CSMD1: variants seen among roughly 807,000 people sequenced by gnomAD.
The protein encoded by CSMD1 is CUB and Sushi multiple domains 1.
In CSMD1, 213 loss-of-function variants were observed where a neutral mutation model predicts 417.5. That is an observed-to-expected ratio of 0.51 (90% CI 0.46 to 0.57). The LOEUF is 0.57. Ranked by LOEUF, CSMD1 falls within the 20% of genes least tolerant of loss-of-function variation. The pLI, the probability that CSMD1 is intolerant of heterozygous loss-of-function variation, is 0.00. For synonymous variants in CSMD1, 2,862 were observed against 1,736.8 expected (o/e 1.65, Z -16.11); for missense variants, 6,923 against 4,529.7 (o/e 1.53, Z -15.17).
At chr8:3,631,223 C>T (rs1459554390) in intron 7 of CSMD1, among the ~76,000 whole-genome samples, 1 of 152,206 alleles carries the variant, frequency 6.6e-6, no homozygotes, top group African/African-American at 2.4e-5. Flanking sequence ...ATGTGGACAG[C>T]ACGTAACACG....
chr8:3,291,335 C>T (rs776725422), intron 25 of CSMD1, among the ~76,000 whole-genome samples: 1 of 134,568 alleles, frequency 7.4e-6, no homozygotes, highest in Non-Finnish European at 1.6e-5. Flanking sequence ...TGATGCTGGC[C>T]CCATAAAATA....
chr8:3,432,784 G>A (rs891720542), intron 12 of CSMD1, among the ~76,000 whole-genome samples: 1 of 152,064 alleles, frequency 6.6e-6, no homozygotes, highest in Non-Finnish European at 1.5e-5. Flanking sequence ...AAAGTCCTGG[G>A]ATTACAGGCA....
rs568640370 is a variant in CSMD1, at chr8:3,722,243, G to A, written c.932-13752C>T. ...AGAATTGCTTGACCAGGGAGGCAGA[G>A]ATTGCAGTGAGTCGAGATCACACCA... On this transcript the variant is annotated intron_variant, in intron 6 of 69. Transcript: ENST00000635120. 2.1e-4 allele frequency among the ~76,000 whole-genome samples: 32 copies of A among 152,162 alleles called. No individual in the cohort carries two copies. The South Asian group carries it at 6.4e-3, about 31-fold the overall frequency.
intron 5 of CSMD1, among the ~76,000 whole-genome samples, chr8:3,857,660 G>A (rs1467226978): frequency 6.6e-6 from 1 of 152,172 alleles, no homozygotes; most frequent in Non-Finnish European, 1.5e-5. Context: ...GTCCGAATGA[G>A]TGGAATTTTA....
At chr8:4,145,627 G>T (rs370444874) in intron 3 of CSMD1, among the ~76,000 whole-genome samples, 1 of 150,804 alleles carries the variant, frequency 6.6e-6, no homozygotes, top group Non-Finnish European at 1.5e-5. Flanking sequence ...CGGCTCAAGC[G>T]ATCCTGCCCA....
intron 7 of CSMD1, among the ~76,000 whole-genome samples, chr8:3,672,851 C>A (rs531415464): frequency 6.6e-6 from 1 of 152,326 alleles, no homozygotes; most frequent in South Asian, 2.1e-4. Context: ...GGAGACGCAG[C>A]TTCTACTCCT....
chr8:4,136,693 G>C (rs1049567844), intron 3 of CSMD1, among the ~76,000 whole-genome samples: 2 of 152,082 alleles, frequency 1.3e-5, no homozygotes, highest in African/African-American at 2.4e-5. Context: ...TGAGTCTTCA[G>C]AGACTACGTA....
chr8:4,144,503 G>C (rs1305588568), intron 3 of CSMD1, among the ~76,000 whole-genome samples: 1 of 151,090 alleles, frequency 6.6e-6, no homozygotes, highest in African/African-American at 2.5e-5. Flanking sequence ...GAGGGCTCCA[G>C]TCTAAATGCT....
intron 2 of CSMD1, among the ~76,000 whole-genome samples, chr8:4,441,307 C>G (rs750561194): frequency 2.4e-4 from 30 of 124,704 alleles, no homozygotes; most frequent in African/African-American, 8.9e-4. Context: ...AGAGGGAGGT[C>G]TCACTCTGCC....
intron 7 of CSMD1, among the ~76,000 whole-genome samples, chr8:3,621,557 G>A (rs543587580): frequency 6.6e-6 from 1 of 151,994 alleles, no homozygotes; most frequent in Non-Finnish European, 1.5e-5. Context: ...TATATTTAAA[G>A]CCACAGAAAT....
chr8:3,409,297 A>C, intron 13 of CSMD1, 126 bp downstream of exon 13: 1 of 788,202 alleles, frequency 1.3e-6, no homozygotes, highest in Non-Finnish European at 1.8e-6. Context: ...TTTCCAGTAA[A>C]TGTGGCACCC....
At chr8:4,352,355 A>G (rs1048075106) in intron 3 of CSMD1, among the ~76,000 whole-genome samples, 24 of 152,244 alleles carry the variant, frequency 1.6e-4, no homozygotes, top group African/African-American at 5.5e-4. Context: ...GAATGTTCTC[A>G]GATAATTCAC....
At chr8:4,212,751 CTTTTT>C (rs5889027) in intron 3 of CSMD1, among the ~76,000 whole-genome samples, 40 of 99,222 alleles carry the variant, frequency 4.0e-4, no homozygotes, top group African/African-American at 9.8e-4. Context: ...CGGCCTTATT[CTTTTT>C]TTTTTTTTTT....
At chr8:4,434,104 G>C (rs1798018191) in intron 2 of CSMD1, among the ~76,000 whole-genome samples, 1 of 152,180 alleles carries the variant, frequency 6.6e-6, no homozygotes, top group Admixed American at 6.5e-5. Flanking sequence ...TTGGGAGGTT[G>C]AAGTGGGCAG....
intron 1 of CSMD1, among the ~76,000 whole-genome samples, chr8:4,682,919 T>C (rs1489413521): frequency 6.8e-6 from 1 of 147,496 alleles, no homozygotes; most frequent in Non-Finnish European, 1.5e-5. Context: ...TTTAGAGAAA[T>C]GTTTCTCTCA....
At chr8:4,230,088 ACT>A in intron 3 of CSMD1, among the ~76,000 whole-genome samples, 1 of 152,190 alleles carries the variant, frequency 6.6e-6, no homozygotes, top group Non-Finnish European at 1.5e-5. Context: ...AGCTTATTAG[ACT>A]ACAAGCCTTA....
At position 4,530,301 on chromosome 8, in the gene CSMD1, C is replaced by G. The variant is rs191980972; in HGVS notation, c.302+107041G>C. The stretch of plus-strand genomic sequence containing the variant: ...TAAGCAAATATTGTTCACAGTTTAT[C>G]GTACAGGTAGTGCTTTTTTTTTTTT... On this transcript the variant is annotated intron_variant, in intron 2 of 69. Coordinates refer to ENST00000635120, the MANE Select transcript of CSMD1 (RefSeq NM_033225.6). Among the ~76,000 whole-genome samples the G allele has an allele frequency of 2.3e-3, 229 of 101,284 alleles. 1 individual carries two copies. The highest frequency in any genetic ancestry group is 7.7e-3 in the African/African-American group (220 of 28,502). The allele number at this position is 101,284 out of a possible 152,430, so 66.4% of individuals were successfully genotyped here.
At chr8:3,043,869 T>C (rs1434460521) in intron 50 of CSMD1, 1 of 152,436 alleles carries the variant, frequency 6.6e-6, no homozygotes, top group Non-Finnish European at 1.5e-5. Flanking sequence ...AATTAAATAA[T>C]GTCATTCTCA....
rs538322734 is a variant in CSMD1, at chr8:4,899,112, G to T, written c.85+95220C>A. On this transcript the variant is annotated intron_variant, in intron 1 of 69. Coordinates refer to ENST00000635120, the MANE Select transcript of CSMD1 (RefSeq NM_033225.6). Reference sequence around the variant, plus strand: ...GTGATCTGTTACATAAATCTGAAATGGTAATTTGGTTATACACGTATCAAT... The same window carrying T: ...GTGATCTGTTACATAAATCTGAAATTGTAATTTGGTTATACACGTATCAAT... 1.6e-4 allele frequency among the ~76,000 whole-genome samples: 25 copies of T among 152,236 alleles called. 1 individual carries two copies.
Sources: gnomAD v4.1 joint callset for allele counts (sites outside exome capture counted in the v4.1 genomes callset) on GRCh38, gnomAD v4.1.1 for gene constraint, MANE v1.5 for transcripts, NCBI Gene and HGNC (gene_info 2026-07-23, HGNC 2026-07-21) for gene names.